AGAP1: variants seen among roughly 807,000 people sequenced by gnomAD.
The protein encoded by AGAP1 is ArfGAP with GTPase domain, ankyrin repeat and PH domain 1.
A neutral mutation model predicts 105.3 loss-of-function variants in AGAP1; 29 were observed. That is an observed-to-expected ratio of 0.28 (90% CI 0.21 to 0.38). The LOEUF (loss-of-function observed/expected upper bound fraction) is 0.38. Among genes scored for constraint, AGAP1 ranks in the 10% least tolerant of loss-of-function variants. The pLI is 1.00. For missense variants in AGAP1, 998 were observed against 1,165.1 expected, an observed-to-expected ratio of 0.86 and a Z score of 2.09; for synonymous variants, 509 against 485.9, an observed-to-expected ratio of 1.05 and a Z score of -0.63.
intron 1 of AGAP1, among the ~76,000 whole-genome samples, chr2:235,656,549 A>T (rs1269331867): frequency 2.0e-5 from 3 of 152,062 alleles, no homozygotes; most frequent in African/African-American, 7.2e-5. Context: ...CACCCTGCAT[A>T]ACCATTTTTC....
intron 9 of AGAP1, among the ~76,000 whole-genome samples, chr2:235,846,991 G>A (rs1961572546): frequency 6.6e-6 from 1 of 152,220 alleles, no homozygotes; most frequent in South Asian, 2.1e-4. Context: ...GAGGTTAAGA[G>A]CTGTGGATTG....
At position 235,904,983 on chromosome 2, in the gene AGAP1, T is replaced by C. The variant is rs1264121762; in HGVS notation, c.1156-3755T>C. On this transcript the variant is annotated intron_variant, in intron 10 of 17. Coordinates refer to ENST00000304032, the MANE Select transcript of AGAP1 (RefSeq NM_001037131.3). The surrounding 1 kb of genome is among the most constrained non-coding windows in gnomAD (Gnocchi z 4.2). ...ATACCGATTTTATTTATTTTTTTTT[T>C]TTAGAGCTAGTTCTTCTGAGGTTGT... Among the ~76,000 whole-genome samples, 1 of 152,192 alleles carries C rather than the reference T, an allele frequency of 6.6e-6. No homozygotes were observed. Among genetic ancestry groups the C allele is most frequent in the East Asian group, 1.9e-4 (1 of 5,198 alleles).
At chr2:235,527,611 C>T (rs182051634) in intron 1 of AGAP1, among the ~76,000 whole-genome samples, 1 of 152,234 alleles carries the variant, frequency 6.6e-6, no homozygotes, top group Admixed American at 6.5e-5. Flanking sequence ...TGGTTTTGAA[C>T]TCTTTTGCCC....
Position 235,979,347 on chromosome 2 carries a change from T to C in AGAP1, c.1645+10724T>C, listed in dbSNP as rs961554951. ...ATTGATTAAGCCCCCCTGTCGTTCA[T>C]TTGAATCCTGCATCGCTGATTTAAG... On this transcript the variant is annotated intron_variant, in intron 13 of 17. Coordinates refer to ENST00000304032, the MANE Select transcript of AGAP1 (RefSeq NM_001037131.3). This position sits in a 1 kb window ranked among gnomAD's most constrained non-coding sequence, Gnocchi z 4.5. Among the ~76,000 whole-genome samples, 14 of 152,036 alleles carry C rather than the reference T, an allele frequency of 9.2e-5. No homozygotes were observed. The highest frequency in any genetic ancestry group is 2.0e-4 in the Admixed American group (3 of 15,272).
At chr2:236,070,685 A>C (rs1461395690) in intron 16 of AGAP1, among the ~76,000 whole-genome samples, 1 of 152,208 alleles carries the variant, frequency 6.6e-6, no homozygotes, top group Non-Finnish European at 1.5e-5. Flanking sequence ...CAGTCACAAA[A>C]GACTTCATAC....
chr2:235,853,164 G>A, intron 9 of AGAP1: 2 of 1,124,054 alleles, frequency 1.8e-6, no homozygotes, highest in Non-Finnish European at 2.2e-6. Context: ...TTGGGTACAA[G>A]CAGTGGTAGA....
At chr2:235,685,904 A>G (rs2149416657) in intron 1 of AGAP1, among the ~76,000 whole-genome samples, 1 of 152,234 alleles carries the variant, frequency 6.6e-6, no homozygotes, top group Admixed American at 6.5e-5. Flanking sequence ...AATACATGTA[A>G]AATAAACATT....
chr2:236,105,146 A>T lies in AGAP1; in HGVS notation c.2115-15046A>T, dbSNP rs1327760172. On this transcript the variant is annotated intron_variant, in intron 16 of 17. Coordinates refer to ENST00000304032, the MANE Select transcript of AGAP1 (RefSeq NM_001037131.3). This position sits in a 1 kb window ranked among gnomAD's most constrained non-coding sequence, Gnocchi z 4.2. ...CAGCAGAGATCAGGGCTGACTTTCCAAGCCAGCAAGACATGCATTCAGGCT... is the reference window on the plus strand; with the variant it reads ...CAGCAGAGATCAGGGCTGACTTTCCTAGCCAGCAAGACATGCATTCAGGCT... 2.0e-5 allele frequency among the ~76,000 whole-genome samples: 3 copies of T among 152,162 alleles called. No individual in the cohort carries two copies. The highest frequency in any genetic ancestry group is 2.9e-5 in the Non-Finnish European group (2 of 68,026).
intron 13 of AGAP1, among the ~76,000 whole-genome samples, chr2:236,016,541 A>G (rs2056710518): frequency 1.3e-5 from 2 of 152,138 alleles, no homozygotes; most frequent in South Asian, 4.1e-4. Context: ...TTGAGGGCAA[A>G]TGGTTCCCTG....
Position 236,061,099 on chromosome 2 carries a change from A to G in AGAP1, c.2114+11818A>G, listed in dbSNP as rs963346928. Among the ~76,000 whole-genome samples, 2 of 152,082 alleles carry G rather than the reference A, an allele frequency of 1.3e-5. No individual in the cohort carries two copies. Among genetic ancestry groups the G allele is most frequent in the Non-Finnish European group, 2.9e-5 (2 of 68,024 alleles). On this transcript the variant is annotated intron_variant, in intron 16 of 17. Coordinates refer to ENST00000304032, the MANE Select transcript of AGAP1 (RefSeq NM_001037131.3). This position sits in a 1 kb window ranked among gnomAD's most constrained non-coding sequence, Gnocchi z 4.1. Reference sequence around the variant, plus strand: ...AAGTAAAAAATAAAAATGGGCTAAGACTCTAAATAGACATTTCTCCAGAAA... The same window carrying G: ...AAGTAAAAAATAAAAATGGGCTAAGGCTCTAAATAGACATTTCTCCAGAAA...
chr2:236,055,320 T>C lies in AGAP1; in HGVS notation c.2114+6039T>C, dbSNP rs770318472. Among the ~76,000 whole-genome samples the C allele has an allele frequency of 1.3e-5, 2 of 152,214 alleles. No individual in the cohort carries two copies. The highest frequency in any genetic ancestry group is 2.4e-5 in the African/African-American group (1 of 41,450). ...CCTACATGTACACACATGCACACTT[T>C]TGTGTGTGGCTTTATGTGCCTTGTT... On this transcript the variant is annotated intron_variant, in intron 16 of 17. Coordinates refer to ENST00000304032, the MANE Select transcript of AGAP1 (RefSeq NM_001037131.3). This position sits in a 1 kb window ranked among gnomAD's most constrained non-coding sequence, Gnocchi z 6.2.
rs1261075295 is a variant in AGAP1, at chr2:236,114,252, G to A, written c.2115-5940G>A. Among the ~76,000 whole-genome samples, 2 of 152,158 alleles carry A rather than the reference G, an allele frequency of 1.3e-5. No homozygotes were observed. The highest frequency in any genetic ancestry group is 3.9e-4 in the East Asian group (2 of 5,192). ...AAAATGAAAGGCTCAGCCAAGACAAGCCAGGGATCCCAGAAGTAGAATTGC... is the reference window on the plus strand; with the variant it reads ...AAAATGAAAGGCTCAGCCAAGACAAACCAGGGATCCCAGAAGTAGAATTGC... On this transcript the variant is annotated intron_variant, in intron 16 of 17. Coordinates refer to ENST00000304032, the MANE Select transcript of AGAP1 (RefSeq NM_001037131.3). The surrounding 1 kb of genome is among the most constrained non-coding windows in gnomAD (Gnocchi z 5.0).
At chr2:235,632,525 C>A (rs892217604) in intron 1 of AGAP1, among the ~76,000 whole-genome samples, 1 of 152,170 alleles carries the variant, frequency 6.6e-6, no homozygotes, top group South Asian at 2.1e-4. Context: ...TGAAACACAC[C>A]TGGGGTCATC....
intron 1 of AGAP1, among the ~76,000 whole-genome samples, chr2:235,554,229 C>G (rs1209073334): frequency 1.3e-5 from 2 of 152,232 alleles, no homozygotes; most frequent in East Asian, 3.8e-4. Flanking sequence ...GTGGTCCAGC[C>G]TGCCTTACGG....
At position 235,982,483 on chromosome 2, in the gene AGAP1, G is replaced by A. The variant is rs1239283360; in HGVS notation, c.1645+13860G>A. Among the ~76,000 whole-genome samples the A allele has an allele frequency of 1.3e-5, 2 of 152,258 alleles. No individual in the cohort carries two copies. Among genetic ancestry groups the A allele is most frequent in the African/African-American group, 2.4e-5 (1 of 41,544 alleles). ...ATGCAATGAGGCACTGCTGTTGTGG[G>A]GTGTTGGTTTGAAGAACTCATAAAT... On this transcript the variant is annotated intron_variant, in intron 13 of 17. Transcript: ENST00000304032. The surrounding 1 kb of genome is among the most constrained non-coding windows in gnomAD (Gnocchi z 4.9).
In AGAP1 at chr2:235,971,847, C is replaced by T. The variant is rs1239674844; in HGVS notation, c.1645+3224C>T. On this transcript the variant is annotated intron_variant, in intron 13 of 17. Transcript: ENST00000304032. This position sits in a 1 kb window ranked among gnomAD's most constrained non-coding sequence, Gnocchi z 4.8. ...AGGCTGGGGTGTAGTGGTGCAGTCA[C>T]GGCTCACTGCAGCCTCGAACTCCCA... Among the ~76,000 whole-genome samples the T allele has an allele frequency of 6.6e-6, 1 of 151,430 alleles. No individual in the cohort carries two copies. Among genetic ancestry groups the T allele is most frequent in the African/African-American group, 2.4e-5 (1 of 41,182 alleles).
chr2:235,759,164 CTTTTTTTTTTT>C (rs560528348), intron 6 of AGAP1, among the ~76,000 whole-genome samples: 2 of 104,098 alleles, frequency 1.9e-5, no homozygotes, highest in South Asian at 3.5e-4. Context: ...TGATGTCATT[CTTTTTTTTTTT>C]TTTTTTTTTT....
At chr2:235,674,001 C>T (rs11898424) in intron 1 of AGAP1, among the ~76,000 whole-genome samples, 4,778 of 152,326 alleles carry the variant, frequency 0.031, 230 homozygotes, top group African/African-American at 0.1. Context: ...TTAAAGCACA[C>T]ACAGGCTCCT....
intron 12 of AGAP1, among the ~76,000 whole-genome samples, chr2:235,940,811 T>G (rs1263064614): frequency 6.6e-6 from 1 of 152,140 alleles, no homozygotes; most frequent in African/African-American, 2.4e-5. Context: ...AGAGAGGGGC[T>G]TCAGGGTCTT....
Sources: allele counts gnomAD v4.1 joint callset (sites outside exome capture counted in the v4.1 genomes callset), GRCh38; gene constraint gnomAD v4.1.1; non-coding constraint Gnocchi (gnomAD v3.1); transcripts MANE v1.5; gene names NCBI Gene and HGNC (gene_info 2026-07-23, HGNC 2026-07-21).